TYW1B: variants seen among roughly 807,000 people sequenced by gnomAD.
TYW1B encodes tRNA-yW synthesizing protein 1 homolog B, also known as S-adenosyl-L-methionine-dependent tRNA 4-demethylwyosine synthase TYW1B.
Under a neutral mutation model 86.9 loss-of-function variants are expected in TYW1B, and 73 were observed. The ratio of observed to expected loss-of-function variants is 0.84; its 90% CI spans 0.70 to 1.02. The LOEUF is 1.02. Among genes scored for constraint, TYW1B ranks in the 50% least tolerant of loss-of-function variants. The probability of loss-of-function intolerance (pLI) is 0.00; values close to 1 mark genes in which losing one functional copy is unlikely to be tolerated. For synonymous variants in TYW1B, 248 were observed against 292.8 expected, an observed-to-expected ratio of 0.85 and a Z score of 1.56; for missense variants, 637 against 827.4, an observed-to-expected ratio of 0.77 and a Z score of 2.82.
chr7:72,689,700 AT>A (rs1315145075), intron 11 of TYW1B, among the ~76,000 whole-genome samples: 1 of 152,220 alleles, frequency 6.6e-6, no homozygotes, highest in Non-Finnish European at 1.5e-5. Flanking sequence ...ATGGAATTAA[AT>A]TTGCAAAAAA....
chr7:72,756,901 T>C (rs1256537935), intron 7 of TYW1B, among the ~76,000 whole-genome samples: 2 of 152,158 alleles, frequency 1.3e-5, no homozygotes, highest in African/African-American at 2.4e-5. Flanking sequence ...TCAACATCAC[T>C]GGTTGTTAGG....
intron 11 of TYW1B, among the ~76,000 whole-genome samples, chr7:72,684,649 G>A (rs1813963252): frequency 6.6e-6 from 1 of 152,100 alleles, no homozygotes; most frequent in Non-Finnish European, 1.5e-5. Context: ...ATCAGAGAAG[G>A]AGTAAAATAA....
chr7:72,798,263 C>T (rs1401744364), intron 6 of TYW1B, among the ~76,000 whole-genome samples: 5 of 151,822 alleles, frequency 3.3e-5, no homozygotes, highest in South Asian at 4.2e-4. Flanking sequence ...CAGTGGCAGG[C>T]GCCTGTAGTC....
chr7:72,697,864 T>C (rs552135987), intron 10 of TYW1B: 63 of 152,830 alleles, frequency 4.1e-4, no homozygotes, highest in African/African-American at 1.4e-3. Context: ...TATATAAAAA[T>C]GTGCTGATGA....
chr7:72,828,137 G>C lies in TYW1B; in HGVS notation c.-62C>G. 1 of 1,609,402 alleles carries C rather than the reference G, an allele frequency of 6.2e-7. No individual in the cohort carries two copies. Among genetic ancestry groups the C allele is most frequent in the Non-Finnish European group, 8.5e-7 (1 of 1,178,040 alleles). ...CTGGAGAGCCCAAAGGTTCGCACTG[G>C]TACTGCGAGACGCACCGAGCTACCT... is the stretch of plus-strand genomic sequence containing the variant. On this transcript the variant is annotated 5_prime_UTR_variant, in exon 1 of 14. Coordinates refer to ENST00000620995, the MANE Select transcript of TYW1B (RefSeq NM_001145440.3).
chr7:72,589,343 A>T (rs1448137970), intron 13 of TYW1B, among the ~76,000 whole-genome samples: 4 of 152,236 alleles, frequency 2.6e-5, no homozygotes, highest in Non-Finnish European at 5.9e-5. Context: ...AGATAATGAA[A>T]TAATTTTGTG....
intron 11 of TYW1B, among the ~76,000 whole-genome samples, chr7:72,668,129 T>G (rs1554445665): frequency 1.3e-5 from 2 of 152,242 alleles, no homozygotes; most frequent in Non-Finnish European, 2.9e-5. Context: ...ATTAATGACC[T>G]ACATAAAATT....
At chr7:72,600,253 A>G (rs1345451392) in intron 13 of TYW1B, among the ~76,000 whole-genome samples, 1 of 152,222 alleles carries the variant, frequency 6.6e-6, no homozygotes, top group Non-Finnish European at 1.5e-5. Context: ...AAAGGAGCAA[A>G]GGTAATTTAA....
At chr7:72,730,525 T>G (rs1412198381) in intron 8 of TYW1B, among the ~76,000 whole-genome samples, 6 of 106,056 alleles carry the variant, frequency 5.7e-5, no homozygotes, top group African/African-American at 2.3e-4. Context: ...AATGACCCAG[T>G]CAGACCAAAA....
intron 5 of TYW1B, among the ~76,000 whole-genome samples, chr7:72,806,255 A>G (rs1224889924): frequency 8.8e-6 from 1 of 113,738 alleles, no homozygotes; most frequent in African/African-American, 3.3e-5. Flanking sequence ...TTTTTTTTTG[A>G]GACTGAGTCT....
At chr7:72,666,803 G>A (rs1350417977) in intron 11 of TYW1B, among the ~76,000 whole-genome samples, 1 of 151,934 alleles carries the variant, frequency 6.6e-6, no homozygotes, top group African/African-American at 2.4e-5. Context: ...AGACCGAGGC[G>A]GGTGGATCAC....
At chr7:72,739,638 A>T (rs1554461716) in intron 8 of TYW1B, among the ~76,000 whole-genome samples, 1 of 149,770 alleles carries the variant, frequency 6.7e-6, no homozygotes, top group Non-Finnish European at 1.5e-5. Flanking sequence ...TAGAGGGGTT[A>T]ACAAAGGTCT....
chr7:72,663,419 C>T (rs1412351505), intron 11 of TYW1B, among the ~76,000 whole-genome samples: 3 of 152,056 alleles, frequency 2.0e-5, no homozygotes, highest in African/African-American at 7.2e-5. Flanking sequence ...CCCCAGTTCT[C>T]TGCTAGGTGA....
intron 11 of TYW1B, among the ~76,000 whole-genome samples, chr7:72,667,031 CAAAAA>C (rs60691255): frequency 2.1e-4 from 9 of 42,374 alleles, no homozygotes; most frequent in South Asian, 1.6e-3. Flanking sequence ...GACTCCGTCT[CAAAAA>C]AAAAAAAAAA....
intron 13 of TYW1B, among the ~76,000 whole-genome samples, chr7:72,598,208 A>G (rs1811581207): frequency 6.6e-6 from 1 of 152,172 alleles, no homozygotes; most frequent in Non-Finnish European, 1.5e-5. Context: ...TGAAAAGGTG[A>G]GACGGGCCTA....
chr7:72,714,881 C>T (rs1233841237), intron 9 of TYW1B, among the ~76,000 whole-genome samples: 2 of 152,156 alleles, frequency 1.3e-5, no homozygotes, highest in African/African-American at 2.4e-5. Context: ...GGTGTCACCG[C>T]ACTCCAGCCT....
chr7:72,749,560 G>A (rs1256215343), intron 7 of TYW1B, among the ~76,000 whole-genome samples: 1 of 152,120 alleles, frequency 6.6e-6, no homozygotes, highest in Non-Finnish European at 1.5e-5. Flanking sequence ...CCAAAGTGCT[G>A]GGATTACAGG....
At chr7:72,757,370 GAA>G (rs35310114) in intron 7 of TYW1B, among the ~76,000 whole-genome samples, 1 of 129,842 alleles carries the variant, frequency 7.7e-6, no homozygotes. Context: ...TCCGTCTATG[GAA>G]AAAAAAAAAA....
At chr7:72,731,123 T>A (rs1320171187) in intron 8 of TYW1B, among the ~76,000 whole-genome samples, 1 of 105,196 alleles carries the variant, frequency 9.5e-6, no homozygotes, top group African/African-American at 3.8e-5. Context: ...TTCTAAGGGC[T>A]GGAAAAAAAA....
Sources: gnomAD v4.1 joint callset for allele counts (sites outside exome capture counted in the v4.1 genomes callset) on GRCh38, gnomAD v4.1.1 for gene constraint, MANE v1.5 for transcripts, NCBI Gene and HGNC (gene_info 2026-07-23, HGNC 2026-07-21) for gene names.